KCNQ5: variants seen among roughly 807,000 people sequenced by gnomAD.
The protein encoded by KCNQ5 is potassium voltage-gated channel subfamily Q member 5.
KCNQ5 carries 30 observed loss-of-function variants against 98.2 expected under a neutral mutation model. The ratio of observed to expected loss-of-function variants is 0.31; its 90% CI spans 0.23 to 0.41. KCNQ5 has a LOEUF of 0.41. Ranked by LOEUF, KCNQ5 falls within the 10% of genes least tolerant of loss-of-function variation. The probability of loss-of-function intolerance (pLI) is 1.00; values close to 1 mark genes in which losing one functional copy is unlikely to be tolerated. For missense variants in KCNQ5, 835 were observed against 1,182.5 expected (o/e 0.71, Z 4.31); for synonymous variants, 458 against 449.4 (o/e 1.02, Z -0.24).
chr6:72,917,871 C>T (rs931928559), intron 1 of KCNQ5, among the ~76,000 whole-genome samples: 4 of 152,128 alleles, frequency 2.6e-5, no homozygotes, highest in African/African-American at 9.7e-5. Flanking sequence ...AGTTACTATA[C>T]CCTGGATCAG....
chr6:72,874,968 A>G (rs564049153), intron 1 of KCNQ5, among the ~76,000 whole-genome samples: 126 of 152,298 alleles, frequency 8.3e-4, no homozygotes, highest in Middle Eastern at 3.4e-3. Context: ...ACCGTTAATG[A>G]AAATACTTTG....
chr6:73,000,105 G>A (rs776402150), intron 1 of KCNQ5, among the ~76,000 whole-genome samples: 1 of 152,118 alleles, frequency 6.6e-6, no homozygotes, highest in Non-Finnish European at 1.5e-5. Flanking sequence ...AGAGAGGTGC[G>A]TTGGGGTCAT....
chr6:72,934,098 T>G (rs1352870376), intron 1 of KCNQ5, among the ~76,000 whole-genome samples: 1 of 152,132 alleles, frequency 6.6e-6, no homozygotes, highest in African/African-American at 2.4e-5. Flanking sequence ...ACTGGGTGTT[T>G]AAGGAATAAA....
At position 72,795,969 on chromosome 6, in the gene KCNQ5, A is replaced by G. The variant is rs1774314116; in HGVS notation, c.398+173382A>G. On this transcript the variant is annotated intron_variant, in intron 1 of 13. Transcript: ENST00000370398. Reference sequence around the variant, plus strand: ...TGTGCCCTGTTTACTAGGAAAAAACAATCACTTCATAAATATACACCTTTC... The same window carrying G: ...TGTGCCCTGTTTACTAGGAAAAAACGATCACTTCATAAATATACACCTTTC... Among the ~76,000 whole-genome samples the G allele has an allele frequency of 3.3e-5, 5 of 152,276 alleles. No homozygotes were observed. In the South Asian group the frequency reaches 1.0e-3, roughly 32 times the overall value.
At chr6:72,646,591 C>T (rs1354872356) in intron 1 of KCNQ5, among the ~76,000 whole-genome samples, 1 of 152,154 alleles carries the variant, frequency 6.6e-6, no homozygotes, top group East Asian at 1.9e-4. Flanking sequence ...TTCAGTAAAA[C>T]TAAAGGGACC....
chr6:72,938,570 A>G (rs1582050020), intron 1 of KCNQ5, among the ~76,000 whole-genome samples: 1 of 151,550 alleles, frequency 6.6e-6, no homozygotes, highest in East Asian at 1.9e-4. Context: ...TTTTTAGTAG[A>G]GATGGGGTTT....
chr6:73,166,727 T>C (rs1367748493), intron 10 of KCNQ5, among the ~76,000 whole-genome samples: 1 of 152,180 alleles, frequency 6.6e-6, no homozygotes, highest in East Asian at 1.9e-4. Context: ...GTTGCTTCCT[T>C]CTGGAAGCTC....
At chr6:72,961,011 G>A (rs1262978812) in intron 1 of KCNQ5, among the ~76,000 whole-genome samples, 1 of 152,208 alleles carries the variant, frequency 6.6e-6, no homozygotes, top group African/African-American at 2.4e-5. Flanking sequence ...GCGGGCTTGT[G>A]CCTGTAGTTT....
At chr6:72,794,602 G>T (rs75549308) in intron 1 of KCNQ5, among the ~76,000 whole-genome samples, 2 of 152,056 alleles carry the variant, frequency 1.3e-5, no homozygotes, top group South Asian at 4.1e-4. Flanking sequence ...CATTTCAGGG[G>T]TGCAAATGTA....
chr6:72,631,656 C>A (rs992662205), intron 1 of KCNQ5, among the ~76,000 whole-genome samples: 6 of 152,116 alleles, frequency 3.9e-5, no homozygotes, highest in Non-Finnish European at 8.8e-5. Context: ...AGGGCAGAGG[C>A]AGATTGCTGT....
At chr6:72,814,531 T>G (rs1775406351) in intron 1 of KCNQ5, among the ~76,000 whole-genome samples, 1 of 152,254 alleles carries the variant, frequency 6.6e-6, no homozygotes, top group African/African-American at 2.4e-5. Flanking sequence ...TTTTGCATCA[T>G]ATGTCTTTTG....
intron 1 of KCNQ5, among the ~76,000 whole-genome samples, chr6:72,959,909 T>C (rs1388874598): frequency 6.6e-6 from 1 of 152,212 alleles, no homozygotes; most frequent in Non-Finnish European, 1.5e-5. Context: ...CTTTCAACAA[T>C]AGCTCTTTTC....
chr6:73,011,277 T>C (rs1057088692), intron 2 of KCNQ5, among the ~76,000 whole-genome samples: 1 of 152,098 alleles, frequency 6.6e-6, no homozygotes, highest in South Asian at 2.1e-4. Context: ...TTTTATGTTA[T>C]ATATAGGCAT....
At chr6:72,936,894 A>G (rs1175252535) in intron 1 of KCNQ5, among the ~76,000 whole-genome samples, 1 of 152,124 alleles carries the variant, frequency 6.6e-6, no homozygotes, top group Admixed American at 6.5e-5. Flanking sequence ...CATTATCATC[A>G]TACAGATGTG....
chr6:73,158,386 C>T (rs1009512331), intron 10 of KCNQ5, among the ~76,000 whole-genome samples: 1 of 151,880 alleles, frequency 6.6e-6, no homozygotes, highest in African/African-American at 2.4e-5. Flanking sequence ...CCTGCCTCGG[C>T]CTCCCGAGTA....
chr6:72,856,168 T>C (rs1332721692), intron 1 of KCNQ5, among the ~76,000 whole-genome samples: 4 of 152,104 alleles, frequency 2.6e-5, no homozygotes, highest in African/African-American at 9.7e-5. Flanking sequence ...CTGGAAAGAG[T>C]CCTTCTAAGA....
intron 2 of KCNQ5, among the ~76,000 whole-genome samples, chr6:73,005,087 C>A (rs1381945563): frequency 6.6e-6 from 1 of 152,148 alleles, no homozygotes; most frequent in South Asian, 2.1e-4. Flanking sequence ...ATCAGGGAGA[C>A]CTCATTTTGA....
chr6:73,143,041 A>C (rs148672329), intron 10 of KCNQ5, among the ~76,000 whole-genome samples: 1 of 152,178 alleles, frequency 6.6e-6, no homozygotes, highest in Non-Finnish European at 1.5e-5. Flanking sequence ...TCAGCTTTTC[A>C]AGAGGTTGAA....
intron 3 of KCNQ5, among the ~76,000 whole-genome samples, chr6:73,071,194 C>G (rs1367976029): frequency 6.6e-6 from 1 of 152,068 alleles, no homozygotes; most frequent in Non-Finnish European, 1.5e-5. Context: ...TTTACTAGTA[C>G]TATTTTTATT....
Sources: gnomAD v4.1 joint callset for allele counts (sites outside exome capture counted in the v4.1 genomes callset) on GRCh38, gnomAD v4.1.1 for gene constraint, MANE v1.5 for transcripts, NCBI Gene and HGNC (gene_info 2026-07-23, HGNC 2026-07-21) for gene names.